Variants in ARMC8 observed in about 807,000 individuals in gnomAD.
ARMC8 encodes armadillo repeat-containing protein 8.
A neutral mutation model predicts 99.3 loss-of-function variants in ARMC8; 20 were observed. That is an observed-to-expected ratio of 0.20 (90% confidence interval 0.14 to 0.29). The LOEUF is 0.29. Ranked by LOEUF, ARMC8 falls within the 10% of genes least tolerant of loss-of-function variation. ARMC8 has a pLI of 1.00. For missense variants in ARMC8, 569 were observed against 809.5 expected (o/e 0.70, Z 3.60); for synonymous variants, 263 against 278.3 (o/e 0.95, Z 0.55).
Position 138,273,125 on chromosome 3 carries a change from A to C in ARMC8, c.1629+9A>C. The C allele has an allele frequency of 6.2e-7, 1 of 1,600,134 alleles. No individual in the cohort carries two copies. Among genetic ancestry groups the C allele is most frequent in the Non-Finnish European group, 8.5e-7 (1 of 1,175,034 alleles). The stretch of plus-strand genomic sequence containing the variant: ...TCCTCTCCACTCGTCCTGTAAGTAA[A>C]ATCACCCAGGCTTCCAAATTAGCTA... On this transcript the variant is annotated intron_variant, in intron 17 of 21. Transcript: ENST00000469044.
intron 2 of ARMC8, among the ~76,000 whole-genome samples, chr3:138,214,735 C>T (rs758504852): frequency 6.6e-6 from 1 of 152,208 alleles, no homozygotes; most frequent in Admixed American, 6.5e-5. Flanking sequence ...CAACTCACTG[C>T]AACCTCTGCT....
At chr3:138,214,235 G>A (rs1284215745) in intron 2 of ARMC8, among the ~76,000 whole-genome samples, 1 of 151,286 alleles carries the variant, frequency 6.6e-6, no homozygotes, top group Non-Finnish European at 1.5e-5. Flanking sequence ...AGCAAAAGAT[G>A]ATATAAGCCA....
chr3:138,278,654 G>A (rs77269851), intron 18 of ARMC8, among the ~76,000 whole-genome samples: 2,438 of 152,212 alleles, frequency 0.016, 35 homozygotes, highest in Middle Eastern at 0.044. Context: ...TTGGGAGGAC[G>A]TGACATCTTA....
intron 2 of ARMC8, among the ~76,000 whole-genome samples, chr3:138,216,313 T>G (rs946790806): frequency 6.6e-5 from 10 of 152,184 alleles, no homozygotes; most frequent in African/African-American, 2.4e-4. Context: ...AATGCCCAAG[T>G]TGATTTGAGC....
chr3:138,284,998 A>G (rs373360528), intron 19 of ARMC8, among the ~76,000 whole-genome samples: 1 of 152,244 alleles, frequency 6.6e-6, no homozygotes, highest in Non-Finnish European at 1.5e-5. Context: ...GTGGGTATCA[A>G]AAAGCCCTCC....
intron 5 of ARMC8, among the ~76,000 whole-genome samples, chr3:138,228,446 T>C (rs2045809185): frequency 6.6e-6 from 1 of 152,242 alleles, no homozygotes; most frequent in Admixed American, 6.5e-5. Flanking sequence ...CTTGTACAGA[T>C]TGAAAATAGC....
chr3:138,237,741 A>G (rs536608773), intron 9 of ARMC8, among the ~76,000 whole-genome samples, 169 bp downstream of exon 9: 1 of 152,254 alleles, frequency 6.6e-6, no homozygotes, highest in East Asian at 1.9e-4. Context: ...AGTTTTTTAT[A>G]CTCAGCTTAT....
At chr3:138,229,134 GTATATATATATA>G (rs71146119) in intron 6 of ARMC8, 124 bp downstream of exon 6, 3,717 of 78,474 alleles carry the variant, frequency 0.047, 184 homozygotes, top group African/African-American at 0.064. Flanking sequence ...GTGTGTGCGT[GTATATATATATA>G]TATATATATA....
At chr3:138,265,044 T>C (rs1394325811) in intron 14 of ARMC8, among the ~76,000 whole-genome samples, 1 of 151,932 alleles carries the variant, frequency 6.6e-6, no homozygotes, top group Non-Finnish European at 1.5e-5. Context: ...ACTACAGGTA[T>C]GTGCCACTAT....
At chr3:138,293,096 C>T (rs576194327) in intron 21 of ARMC8, among the ~76,000 whole-genome samples, 58 of 152,332 alleles carry the variant, frequency 3.8e-4, no homozygotes, top group African/African-American at 1.3e-3. Context: ...TAGAACACGT[C>T]ACACTGTGTC....
At position 138,199,024 on chromosome 3, in the gene ARMC8, A is replaced by G. The variant is rs138420010; in HGVS notation, c.46-10793A>G. On this transcript the variant is annotated intron_variant, in intron 1 of 21. Transcript: ENST00000469044. Reference sequence around the variant, plus strand: ...AATTAAAGTAGATTCCATGCTAGGAATCTCAGTTTCCTTAGTATGTTACAT... The same window carrying G: ...AATTAAAGTAGATTCCATGCTAGGAGTCTCAGTTTCCTTAGTATGTTACAT... Among the ~76,000 whole-genome samples the G allele has an allele frequency of 6.7e-3, 1,017 of 152,184 alleles. 11 individuals carry two copies. Among genetic ancestry groups the G allele is most frequent in the African/African-American group, 0.019 (809 of 41,516 alleles).
chr3:138,280,340 C>CA (rs777019852), intron 18 of ARMC8, among the ~76,000 whole-genome samples: 1 of 151,540 alleles, frequency 6.6e-6, no homozygotes, highest in Non-Finnish European at 1.5e-5. Flanking sequence ...TATTTTAAGA[C>CA]AGAGTCTCAC....
intron 1 of ARMC8, among the ~76,000 whole-genome samples, chr3:138,194,244 T>C (rs170652): frequency 0.99 from 149,534 of 151,070 alleles, 74,006 homozygotes; most frequent in East Asian, 1. Flanking sequence ...AGGGTTTCAC[T>C]GTGTTAGCCA....
At chr3:138,240,830 G>A (rs568927858) in intron 10 of ARMC8, among the ~76,000 whole-genome samples, 1 of 152,266 alleles carries the variant, frequency 6.6e-6, no homozygotes, top group African/African-American at 2.4e-5. Context: ...GTCAGGCTTA[G>A]AAATAGTAAA....
chr3:138,212,398 C>T (rs940394202), intron 2 of ARMC8, among the ~76,000 whole-genome samples: 7 of 151,626 alleles, frequency 4.6e-5, no homozygotes, highest in African/African-American at 1.7e-4. Flanking sequence ...CAACCTCCAC[C>T]TCCCGGGTTC....
chr3:138,217,963 G>T (rs1035648490), intron 2 of ARMC8, among the ~76,000 whole-genome samples: 1 of 152,106 alleles, frequency 6.6e-6, no homozygotes, highest in Non-Finnish European at 1.5e-5. Context: ...TTGTATTAAT[G>T]ATTCCTTTGG....
chr3:138,227,681 C>CT (rs1299795680), intron 5 of ARMC8, among the ~76,000 whole-genome samples: 1 of 152,094 alleles, frequency 6.6e-6, no homozygotes, highest in Non-Finnish European at 1.5e-5. Flanking sequence ...CAAGGGTGTT[C>CT]TTTTAAGTTT....
At position 138,239,222 on chromosome 3, in the gene ARMC8, A is replaced by G. The variant is rs1178431109; in HGVS notation, c.777-246A>G. On this transcript the variant is annotated intron_variant, in intron 9 of 21. Coordinates refer to ENST00000469044, the MANE Select transcript of ARMC8 (RefSeq NM_001363941.2). ...CATTAGGTTATTTATTTTTAAAACT[A>G]TTTGGTAGGTTTTTGTTTCATTTTG... 6 of 385,510 alleles carry G rather than the reference A, an allele frequency of 1.6e-5. No individual in the cohort carries two copies. The East Asian group carries it at 2.7e-4, about 17-fold the overall frequency. 23.9% of individuals were successfully genotyped at this position (385,510 alleles called of 1,614,324 possible).
rs1462497808 is a variant in ARMC8, at chr3:138,187,594, C to T, written c.40C>T (p.Leu14Phe). ...GGAGACCCCAATCCGCATGAGCGTC[C>T]TTTCGGTGAGTGACCCGCCGCGGCC... ...LLETPIRMSV[L>F]SEVTASSRHY... is the part of the protein sequence containing the mutation. The change falls in exon 1 of 22, where the codon CTT (leucine) becomes TTT (phenylalanine). Residue 14 changes from leucine to phenylalanine, a missense_variant. Leu to Phe is a conservative substitution (Grantham distance 22). Coordinates refer to ENST00000469044, the MANE Select transcript of ARMC8 (RefSeq NM_001363941.2). 6.5e-7 allele frequency: 1 copy of T among 1,535,696 alleles called. No homozygotes were observed. The highest frequency in any genetic ancestry group is 1.4e-5 in the African/African-American group (1 of 73,166).
Sources: gnomAD v4.1 joint callset for allele counts (sites outside exome capture counted in the v4.1 genomes callset) on GRCh38, gnomAD v4.1.1 for gene constraint, MANE v1.5 for transcripts, NCBI Gene and HGNC (gene_info 2026-07-23, HGNC 2026-07-21) for gene names.